ABCB1: variants seen among roughly 807,000 people sequenced by gnomAD.
ABCB1 encodes ATP binding cassette subfamily B member 1.
ABCB1 carries 69 observed loss-of-function variants against 142.0 expected under a neutral mutation model. The ratio of observed to expected loss-of-function variants is 0.49; its 90% CI spans 0.40 to 0.59. The LOEUF is 0.59. Among genes scored for constraint, ABCB1 ranks in the 20% least tolerant of loss-of-function variants. The pLI is 0.00. For missense variants in ABCB1, 1,326 were observed against 1,554.7 expected (o/e 0.85, Z 2.47); for synonymous variants, 532 against 539.2 (o/e 0.99, Z 0.18).
intron 1 of ABCB1, among the ~76,000 whole-genome samples, chr7:87,651,164 G>A (rs1196131721): frequency 2.0e-5 from 3 of 152,106 alleles, no homozygotes; most frequent in Non-Finnish European, 4.4e-5. Context: ...AAGGAGAAAA[G>A]TGACTTTCCA....
chr7:87,697,465 A>G (rs1344500139), intron 1 of ABCB1, among the ~76,000 whole-genome samples: 1 of 152,212 alleles, frequency 6.6e-6, no homozygotes, highest in African/African-American at 2.4e-5. Context: ...TTGAAGTTAG[A>G]AACATTTGAG....
At chr7:87,575,054 A>C (rs916184316) in intron 4 of ABCB1, among the ~76,000 whole-genome samples, 1 of 152,224 alleles carries the variant, frequency 6.6e-6, no homozygotes, top group Non-Finnish European at 1.5e-5. Context: ...AGTGTCTCAC[A>C]TATTTTAAGA....
chr7:87,683,660 A>C (rs1827159615), intron 1 of ABCB1, among the ~76,000 whole-genome samples: 1 of 152,208 alleles, frequency 6.6e-6, no homozygotes, highest in Non-Finnish European at 1.5e-5. Context: ...AAATTATTAC[A>C]ATAGTAACAT....
At chr7:87,651,561 T>C (rs1377063320) in intron 1 of ABCB1, among the ~76,000 whole-genome samples, 1 of 152,172 alleles carries the variant, frequency 6.6e-6, no homozygotes, top group Non-Finnish European at 1.5e-5. Flanking sequence ...GTACTAACTT[T>C]ATCACATTAA....
At chr7:87,652,694 A>G (rs1484309087) in intron 1 of ABCB1, among the ~76,000 whole-genome samples, 2 of 149,592 alleles carry the variant, frequency 1.3e-5, no homozygotes, top group African/African-American at 5.0e-5. Flanking sequence ...GGTATTTTAA[A>G]GATCCAAGCA....
chr7:87,670,909 A>T (rs895993772), intron 1 of ABCB1, among the ~76,000 whole-genome samples: 3 of 152,148 alleles, frequency 2.0e-5, no homozygotes. Flanking sequence ...TCCCCCTTGA[A>T]TGCTGGCTGT....
At chr7:87,655,728 A>G (rs1401470145) in intron 1 of ABCB1, among the ~76,000 whole-genome samples, 1 of 152,178 alleles carries the variant, frequency 6.6e-6, no homozygotes, top group Non-Finnish European at 1.5e-5. Flanking sequence ...CCAAAAAATG[A>G]TAAGTATGTG....
intron 1 of ABCB1, among the ~76,000 whole-genome samples, chr7:87,621,059 A>G (rs1255190449): frequency 6.6e-6 from 1 of 152,192 alleles, no homozygotes; most frequent in Non-Finnish European, 1.5e-5. Flanking sequence ...ATCATTGCAA[A>G]TATTGGGAAG....
chr7:87,623,434 C>T (rs1037303346), intron 1 of ABCB1, among the ~76,000 whole-genome samples: 6 of 152,214 alleles, frequency 3.9e-5, no homozygotes, highest in African/African-American at 1.2e-4. Context: ...TGAGACCCAT[C>T]AAGGTACTCT....
At chr7:87,656,692 C>T (rs1824139612) in intron 1 of ABCB1, among the ~76,000 whole-genome samples, 1 of 151,878 alleles carries the variant, frequency 6.6e-6, no homozygotes, top group Non-Finnish European at 1.5e-5. Flanking sequence ...TAAAAAAAAC[C>T]TAATTATTTA....
At chr7:87,516,398 T>C in intron 24 of ABCB1, 111 bp downstream of exon 24, 1 of 1,407,380 alleles carries the variant, frequency 7.1e-7, no homozygotes, top group South Asian at 1.2e-5. Flanking sequence ...ATCTAGGAAG[T>C]TTTATTTTAT....
At chr7:87,547,747 G>A (rs987400645) in intron 14 of ABCB1, among the ~76,000 whole-genome samples, 2 of 147,448 alleles carry the variant, frequency 1.4e-5, no homozygotes, top group African/African-American at 2.5e-5. Context: ...GTGCATGCCT[G>A]TAATCCTAGC....
At chr7:87,547,850 C>CA (rs1210127693) in intron 14 of ABCB1, among the ~76,000 whole-genome samples, 17,013 of 41,760 alleles carry the variant, frequency 0.41, 3,602 homozygotes, top group Non-Finnish European at 0.44. Context: ...GACTCCATCT[C>CA]AAAAAAAAAA....
intron 1 of ABCB1, chr7:87,693,796 G>A: frequency 1.1e-6 from 1 of 945,720 alleles, no homozygotes; most frequent in Non-Finnish European, 1.6e-6. Flanking sequence ...AGTGTTTACT[G>A]CTTCAAAATT....
intron 1 of ABCB1, among the ~76,000 whole-genome samples, chr7:87,686,383 A>G (rs1827459207): frequency 1.3e-5 from 2 of 152,200 alleles, no homozygotes; most frequent in South Asian, 2.1e-4. Flanking sequence ...ACAAAGGAGT[A>G]TATCTGTTTT....
At chr7:87,702,626 T>C (rs1829194502) in intron 1 of ABCB1, among the ~76,000 whole-genome samples, 1 of 152,158 alleles carries the variant, frequency 6.6e-6, no homozygotes, top group African/African-American at 2.4e-5. Context: ...TTTTGACTTG[T>C]GATACAGTAA....
intron 4 of ABCB1, among the ~76,000 whole-genome samples, chr7:87,573,474 C>T (rs183977615): frequency 6.6e-6 from 1 of 152,324 alleles, no homozygotes; most frequent in East Asian, 1.9e-4. Context: ...TCCCTCTTCA[C>T]AGTTAATGCT....
chr7:87,596,239 C>G (rs1440073228), intron 2 of ABCB1, among the ~76,000 whole-genome samples: 2 of 152,000 alleles, frequency 1.3e-5, no homozygotes, highest in Non-Finnish European at 2.9e-5. Flanking sequence ...TGGCAGTAGA[C>G]ATTTTATCCA....
intron 7 of ABCB1, among the ~76,000 whole-genome samples, chr7:87,562,256 A>C (rs1446012427): frequency 6.6e-6 from 1 of 152,226 alleles, no homozygotes; most frequent in Admixed American, 6.5e-5. Flanking sequence ...GTTATGTTCT[A>C]AGTGCAGACA....
Sources: gnomAD v4.1 joint callset for allele counts (sites outside exome capture counted in the v4.1 genomes callset) on GRCh38, gnomAD v4.1.1 for gene constraint, MANE v1.5 for transcripts, NCBI Gene and HGNC (gene_info 2026-07-23, HGNC 2026-07-21) for gene names.